EYA1: variants seen among roughly 807,000 people sequenced by gnomAD.
The protein encoded by EYA1 is EYA transcriptional coactivator and phosphatase 1, also known as protein phosphatase EYA1.
A neutral mutation model predicts 82.0 loss-of-function variants in EYA1; 16 were observed. The observed-to-expected ratio is 0.20, with a 90% confidence interval of 0.13 to 0.30. The LOEUF is 0.30. Among genes scored for constraint, EYA1 ranks in the 10% least tolerant of loss-of-function variants. EYA1 has a pLI of 1.00. For synonymous variants in EYA1, 261 were observed against 264.4 expected (o/e 0.99, Z 0.12); for missense variants, 633 against 730.7 (o/e 0.87, Z 1.54).
At position 71,331,738 on chromosome 8, in the gene EYA1, G is replaced by A. The variant is rs1011399120; in HGVS notation, c.202+2359C>T. On this transcript the variant is annotated intron_variant, in intron 4 of 17. Coordinates refer to ENST00000340726, the MANE Select transcript of EYA1 (RefSeq NM_000503.6). ...TATAGTTAACATTTTCTCAAGACACGTTTTAAAAATAATTCTCAAGAGCTG... is the reference window on the plus strand; with the variant it reads ...TATAGTTAACATTTTCTCAAGACACATTTTAAAAATAATTCTCAAGAGCTG... Among the ~76,000 whole-genome samples the A allele has an allele frequency of 2.2e-4, 34 of 152,144 alleles. No homozygotes were observed. In the East Asian group the frequency reaches 2.5e-3, roughly 11 times the overall value.
chr8:71,213,561 TG>T (rs1808799443), intron 16 of EYA1, among the ~76,000 whole-genome samples: 1 of 152,256 alleles, frequency 6.6e-6, no homozygotes, highest in African/African-American at 2.4e-5. Context: ...TTACTCTATT[TG>T]ATATATTTCT....
intron 3 of EYA1, among the ~76,000 whole-genome samples, chr8:71,341,512 T>C (rs1160083410): frequency 1.3e-5 from 2 of 152,216 alleles, no homozygotes; most frequent in East Asian, 1.9e-4. Context: ...TTGCTAAATT[T>C]ATATATTTGA....
intron 17 of EYA1, among the ~76,000 whole-genome samples, chr8:71,207,311 C>T (rs1165847360): frequency 1.3e-5 from 2 of 152,172 alleles, no homozygotes; most frequent in Non-Finnish European, 2.9e-5. Context: ...ACAAAGACGA[C>T]TATTTATATA....
intron 2 of EYA1, among the ~76,000 whole-genome samples, chr8:71,413,726 G>A (rs562671383): frequency 8.5e-5 from 13 of 152,286 alleles, no homozygotes; most frequent in African/African-American, 2.6e-4. Flanking sequence ...CTTTGTTTTC[G>A]CTTGACAGCA....
intron 2 of EYA1, among the ~76,000 whole-genome samples, chr8:71,493,849 C>T (rs868634961): frequency 1.3e-5 from 2 of 148,238 alleles, no homozygotes; most frequent in Non-Finnish European, 3.0e-5. Flanking sequence ...CGGTGAAACC[C>T]CGTCTCTACT....
At chr8:71,330,405 C>T (rs1354065408) in intron 4 of EYA1, among the ~76,000 whole-genome samples, 1 of 152,172 alleles carries the variant, frequency 6.6e-6, no homozygotes, top group Non-Finnish European at 1.5e-5. Flanking sequence ...TTACCCATAC[C>T]TCTAACCTCT....
intron 9 of EYA1, among the ~76,000 whole-genome samples, chr8:71,283,982 A>C (rs1036400659): frequency 6.6e-6 from 1 of 152,210 alleles, no homozygotes; most frequent in Non-Finnish European, 1.5e-5. Flanking sequence ...CAGGATCTGA[A>C]CCCAGGCCTG....
At chr8:71,470,876 G>C (rs1210270104) in intron 2 of EYA1, 2 of 455,456 alleles carry the variant, frequency 4.4e-6, no homozygotes, top group Non-Finnish European at 8.8e-6. Context: ...TCTGGTGAGA[G>C]CTGCTGCTGT....
At chr8:71,522,448 T>C (rs1454595634) in intron 2 of EYA1, among the ~76,000 whole-genome samples, 1 of 152,204 alleles carries the variant, frequency 6.6e-6, no homozygotes, top group African/African-American at 2.4e-5. Flanking sequence ...ATACATGTTC[T>C]TTATTTTCTG....
chr8:71,354,724 A>G (rs1407262923), intron 3 of EYA1, 58 bp downstream of exon 3: 1 of 1,556,962 alleles, frequency 6.4e-7, no homozygotes, highest in East Asian at 2.3e-5. Flanking sequence ...CTAATAACAA[A>G]GCATATACTG....
At chr8:71,307,009 A>G (rs920983660) in intron 7 of EYA1, among the ~76,000 whole-genome samples, 1 of 152,176 alleles carries the variant, frequency 6.6e-6, no homozygotes, top group Non-Finnish European at 1.5e-5. Flanking sequence ...GATAATTTCA[A>G]TCCATGTGGT....
chr8:71,199,445 T>A, intron 17 of EYA1, 25 bp from the exon 18 acceptor site: 2 of 1,578,394 alleles, frequency 1.3e-6, no homozygotes, highest in South Asian at 1.1e-5. Flanking sequence ...CACATACATG[T>A]GAGGACAGAG....
chr8:71,351,724 G>A (rs1337875143), intron 3 of EYA1, among the ~76,000 whole-genome samples: 1 of 152,144 alleles, frequency 6.6e-6, no homozygotes, highest in Non-Finnish European at 1.5e-5. Flanking sequence ...GGATAATCTG[G>A]CAGCAGACTT....
At chr8:71,543,369 G>T (rs1264792792) in intron 1 of EYA1, among the ~76,000 whole-genome samples, 1 of 152,144 alleles carries the variant, frequency 6.6e-6, no homozygotes, top group Non-Finnish European at 1.5e-5. Flanking sequence ...TATCTCAAGG[G>T]TAGTGTTTAC....
At chr8:71,394,686 T>G (rs547164768) in intron 2 of EYA1, among the ~76,000 whole-genome samples, 1 of 152,240 alleles carries the variant, frequency 6.6e-6, no homozygotes, top group African/African-American at 2.4e-5. Flanking sequence ...GCTGGTTTGG[T>G]TACTGTAGCC....
chr8:71,246,320 C>G (rs1813086827), intron 11 of EYA1, among the ~76,000 whole-genome samples: 1 of 152,240 alleles, frequency 6.6e-6, no homozygotes, highest in Admixed American at 6.5e-5. Flanking sequence ...AGCAGAGAAA[C>G]TGCCTTCAGG....
Position 71,231,549 on chromosome 8 carries a change from T to C in EYA1, c.1140+13054A>G, listed in dbSNP as rs562327479. ...GATAGCCATCCCATCTCTCAGACTC[T>C]AGCTAATGACCACAGACATCTCCAT... On this transcript the variant is annotated intron_variant, in intron 12 of 17. Transcript: ENST00000340726. Among the ~76,000 whole-genome samples, 6 of 152,316 alleles carry C rather than the reference T, an allele frequency of 3.9e-5. No homozygotes were observed. In the South Asian group the frequency reaches 6.2e-4, roughly 16 times the overall value.
intron 11 of EYA1, among the ~76,000 whole-genome samples, chr8:71,253,467 G>T (rs969419114): frequency 6.6e-6 from 1 of 152,166 alleles, no homozygotes; most frequent in Admixed American, 6.5e-5. Context: ...TCTGATGTGA[G>T]TATAGCATAT....
intron 16 of EYA1, among the ~76,000 whole-genome samples, chr8:71,213,798 G>A (rs1298545442): frequency 5.3e-5 from 8 of 152,122 alleles, no homozygotes; most frequent in Non-Finnish European, 7.4e-5. Context: ...TAATTGTGCC[G>A]CTATTGACGC....
Sources: gnomAD v4.1 joint callset for allele counts (sites outside exome capture counted in the v4.1 genomes callset) on GRCh38, gnomAD v4.1.1 for gene constraint, MANE v1.5 for transcripts, NCBI Gene and HGNC (gene_info 2026-07-23, HGNC 2026-07-21) for gene names.